ARHGAP28: variants seen among roughly 807,000 people sequenced by gnomAD.
ARHGAP28 encodes Rho GTPase activating protein 28, also known as rho GTPase-activating protein 28.
A neutral mutation model predicts 90.7 loss-of-function variants in ARHGAP28; 56 were observed. The ratio of observed to expected loss-of-function variants is 0.62; its 90% confidence interval spans 0.50 to 0.77. ARHGAP28 has a LOEUF of 0.77. Among genes scored for constraint, ARHGAP28 ranks in the 30% least tolerant of loss-of-function variants. The probability of loss-of-function intolerance (pLI) is 0.00; values close to 1 mark genes in which losing one functional copy is unlikely to be tolerated. For synonymous variants in ARHGAP28, 308 were observed against 323.3 expected (o/e 0.95, Z 0.51); for missense variants, 869 against 900.9 (o/e 0.96, Z 0.45).
In ARHGAP28 at chr18:6,804,992, T is replaced by G. The variant is rs1416034381; in HGVS notation, c.123-19770T>G. The stretch of plus-strand genomic sequence containing the variant: ...AGAGGGTTTTTTAGAAAAAGTTACT[T>G]ATTATTTATATTTTTAGAGACATGG... On this transcript the variant is annotated intron_variant, in intron 1 of 17. Transcript: ENST00000383472. Among the ~76,000 whole-genome samples the G allele has an allele frequency of 2.0e-5, 3 of 152,182 alleles. No homozygotes were observed. The East Asian group carries it at 5.8e-4, about 29-fold the overall frequency.
chr18:6,803,122 A>G (rs2056494221), intron 1 of ARHGAP28, among the ~76,000 whole-genome samples: 3 of 152,248 alleles, frequency 2.0e-5, no homozygotes, highest in South Asian at 4.2e-4. Flanking sequence ...TTTTAGTACA[A>G]TGTTGAATAG....
chr18:6,778,575 T>C (rs2056301989), intron 1 of ARHGAP28, among the ~76,000 whole-genome samples: 1 of 152,218 alleles, frequency 6.6e-6, no homozygotes, highest in Admixed American at 6.5e-5. Context: ...GCAATGTGTC[T>C]TCAGACCAGT....
At chr18:6,740,539 T>C (rs2055967752) in intron 1 of ARHGAP28, among the ~76,000 whole-genome samples, 1 of 152,186 alleles carries the variant, frequency 6.6e-6, no homozygotes, top group Non-Finnish European at 1.5e-5. Context: ...AGAATCATAA[T>C]GGCCCTCAGG....
At chr18:6,734,670 T>G (rs367885979) in intron 1 of ARHGAP28, among the ~76,000 whole-genome samples, 66 of 152,268 alleles carry the variant, frequency 4.3e-4, no homozygotes, top group African/African-American at 1.6e-3. Flanking sequence ...TGGACTGAAA[T>G]TAATTAATTA....
chr18:6,783,712 C>G (rs1567946213), intron 1 of ARHGAP28, among the ~76,000 whole-genome samples: 1 of 152,202 alleles, frequency 6.6e-6, no homozygotes, highest in African/African-American at 2.4e-5. Flanking sequence ...CACAAGCCCC[C>G]CTTGCCCTCT....
rs2056319703 is a variant in ARHGAP28, at chr18:6,780,929, T to C, written c.123-43833T>C. Reference sequence around the variant, plus strand: ...AAAAAAAATTCAATCAGTCTTGTAATGCCCATGAATTTCACAGTCACAGAA... The same window carrying C: ...AAAAAAAATTCAATCAGTCTTGTAACGCCCATGAATTTCACAGTCACAGAA... On this transcript the variant is annotated intron_variant, in intron 1 of 17. Transcript: ENST00000383472. Among the ~76,000 whole-genome samples, 3 of 151,914 alleles carry C rather than the reference T, an allele frequency of 2.0e-5. No individual in the cohort carries two copies. In the South Asian group the frequency reaches 6.2e-4, roughly 32 times the overall value.
intron 1 of ARHGAP28, among the ~76,000 whole-genome samples, chr18:6,807,165 T>A (rs1389104983): frequency 6.6e-6 from 1 of 152,152 alleles, no homozygotes; most frequent in Non-Finnish European, 1.5e-5. Flanking sequence ...TCTGTTAGGG[T>A]GTTTAGAAAA....
At chr18:6,886,613 C>A (rs2057223463) in intron 11 of ARHGAP28, among the ~76,000 whole-genome samples, 1 of 152,158 alleles carries the variant, frequency 6.6e-6, no homozygotes. Context: ...CATGTATTAA[C>A]TCATTTAATC....
intron 1 of ARHGAP28, among the ~76,000 whole-genome samples, chr18:6,764,012 GA>G (rs1317931732): frequency 1.3e-5 from 2 of 151,864 alleles, no homozygotes; most frequent in African/African-American, 2.4e-5. Context: ...TCAAACTAAA[GA>G]AAAAAATAGC....
At chr18:6,783,548 G>A (rs1241982373) in intron 1 of ARHGAP28, among the ~76,000 whole-genome samples, 1 of 144,208 alleles carries the variant, frequency 6.9e-6, no homozygotes, top group Non-Finnish European at 1.5e-5. Flanking sequence ...TGATCTGCCT[G>A]CCTCAGCCTC....
At chr18:6,777,486 G>A (rs1204587209) in intron 1 of ARHGAP28, among the ~76,000 whole-genome samples, 1 of 152,142 alleles carries the variant, frequency 6.6e-6, no homozygotes, top group Non-Finnish European at 1.5e-5. Context: ...ACTTTGGAGG[G>A]CAGAGGTGGG....
At chr18:6,733,910 TG>T (rs1338548653) in intron 1 of ARHGAP28, among the ~76,000 whole-genome samples, 2 of 152,248 alleles carry the variant, frequency 1.3e-5, no homozygotes, top group Admixed American at 1.3e-4. Context: ...TTACCTTCTG[TG>T]TTTAGCACCT....
At chr18:6,866,984 G>A (rs187824735) in intron 5 of ARHGAP28, among the ~76,000 whole-genome samples, 155 of 152,290 alleles carry the variant, frequency 1.0e-3, no homozygotes, top group South Asian at 2.1e-3. Context: ...AAGGATTTGA[G>A]TGTCTGGGTA....
chr18:6,767,368 A>G (rs1451161031), intron 1 of ARHGAP28, among the ~76,000 whole-genome samples: 3 of 152,198 alleles, frequency 2.0e-5, no homozygotes, highest in Admixed American at 6.5e-5. Flanking sequence ...AAAATAAGAA[A>G]ATAGTTTCTT....
At chr18:6,834,805 G>A (rs527616368) in intron 2 of ARHGAP28, among the ~76,000 whole-genome samples, 1 of 152,124 alleles carries the variant, frequency 6.6e-6, no homozygotes, top group Non-Finnish European at 1.5e-5. Context: ...GTGAAAGAGA[G>A]GGAGATGTCA....
At chr18:6,842,897 T>C (rs564540928) in intron 3 of ARHGAP28, among the ~76,000 whole-genome samples, 1 of 152,238 alleles carries the variant, frequency 6.6e-6, no homozygotes, top group South Asian at 2.1e-4. Context: ...AATTAAAAAA[T>C]AACATTTGAC....
intron 1 of ARHGAP28, among the ~76,000 whole-genome samples, chr18:6,808,764 T>C (rs2056536398): frequency 6.6e-6 from 1 of 152,222 alleles, no homozygotes; most frequent in African/African-American, 2.4e-5. Flanking sequence ...TTGATATATA[T>C]ATTTTTAGTA....
intron 1 of ARHGAP28, among the ~76,000 whole-genome samples, chr18:6,771,448 A>C (rs989628712): frequency 1.3e-5 from 2 of 152,204 alleles, no homozygotes; most frequent in African/African-American, 4.8e-5. Flanking sequence ...AGAGGAAAAG[A>C]AGAGAGATGG....
intron 1 of ARHGAP28, among the ~76,000 whole-genome samples, chr18:6,807,748 C>G (rs1425490812): frequency 6.6e-6 from 1 of 152,150 alleles, no homozygotes; most frequent in Non-Finnish European, 1.5e-5. Flanking sequence ...GAAGGCTTGA[C>G]GGGGCTCCTC....
Sources: gnomAD v4.1 joint callset for allele counts (sites outside exome capture counted in the v4.1 genomes callset) on GRCh38, gnomAD v4.1.1 for gene constraint, MANE v1.5 for transcripts, NCBI Gene and HGNC (gene_info 2026-07-23, HGNC 2026-07-21) for gene names.